Variants in FAM81B observed in about 807,000 individuals in gnomAD.
FAM81B encodes family with sequence similarity 81 member B.
FAM81B carries 60 observed loss-of-function variants against 58.7 expected under a neutral mutation model. That is an observed-to-expected ratio of 1.02 (90% CI 0.83 to 1.27). The LOEUF (loss-of-function observed/expected upper bound fraction) is 1.27, where lower values mean the gene tolerates loss of function less well. Ranked by LOEUF, FAM81B falls within the 50% of genes most tolerant of loss-of-function variation. The pLI, the probability that FAM81B is intolerant of heterozygous loss-of-function variation, is 0.00. For missense variants in FAM81B, 491 were observed against 522.0 expected (o/e 0.94, Z 0.58); for synonymous variants, 189 against 179.6 (o/e 1.05, Z -0.42).
At chr5:95,439,863 G>C (rs761691611) in intron 7 of FAM81B, among the ~76,000 whole-genome samples, 1 of 152,040 alleles carries the variant, frequency 6.6e-6, no homozygotes, top group Non-Finnish European at 1.5e-5. Flanking sequence ...AACATTAAAG[G>C]TTAAGTTTAG....
chr5:95,416,470 T>C (rs1425947923), intron 4 of FAM81B, among the ~76,000 whole-genome samples: 1 of 152,208 alleles, frequency 6.6e-6, no homozygotes, highest in East Asian at 1.9e-4. Context: ...ATTTTATATA[T>C]AGCATTGTTT....
intron 5 of FAM81B, among the ~76,000 whole-genome samples, chr5:95,422,532 G>C (rs1283183545): frequency 6.8e-6 from 1 of 147,528 alleles, no homozygotes; most frequent in East Asian, 2.0e-4. Context: ...ACCCAAGCTG[G>C]AGTGCAGTGG....
At chr5:95,415,227 A>G (rs1762508255) in intron 4 of FAM81B, among the ~76,000 whole-genome samples, 1 of 152,204 alleles carries the variant, frequency 6.6e-6, no homozygotes, top group African/African-American at 2.4e-5. Context: ...CAGATAGTGT[A>G]CTTTAGGAAA....
Position 95,450,148 on chromosome 5 carries a change from G to T in FAM81B, c.1226-1G>T. The stretch of plus-strand genomic sequence containing the variant: ...GTACCTATTCTTTTACCCTCTTACA[G>T]GATTTAAATCAATTCATGACTCTCT... On this transcript the variant is annotated splice_acceptor_variant, in intron 9 of 9. Coordinates refer to ENST00000283357, the MANE Select transcript of FAM81B (RefSeq NM_152548.3). LOFTEE classifies it high-confidence loss of function. The T allele has an allele frequency of 6.2e-7, 1 of 1,606,410 alleles. No individual in the cohort carries two copies. The highest frequency in any genetic ancestry group is 1.1e-5 in the South Asian group (1 of 89,134).
chr5:95,420,317 G>T lies in FAM81B; in HGVS notation c.571G>T (p.Ala191Ser), dbSNP rs1181505388. Residue 191 changes from alanine (A) to serine (S), a missense_variant, in exon 5 of 10, where the codon GCG becomes TCG. Ala to Ser is a moderately conservative substitution (Grantham distance 99, BLOSUM62 1). Coordinates refer to ENST00000283357, the MANE Select transcript of FAM81B (RefSeq NM_152548.3). Reference sequence around the variant, plus strand: ...AGACCAAATAAGAGCTCGAGATCAGGCGGCCACAGGAACTAACTTTGCAGT... The same window carrying T: ...AGACCAAATAAGAGCTCGAGATCAGTCGGCCACAGGAACTAACTTTGCAGT... ...LEDQIRARDQ[A>S]ATGTNFAVHE... is the part of the protein sequence containing the mutation. 1 of 1,613,794 alleles carries T rather than the reference G, an allele frequency of 6.2e-7. No individual in the cohort carries two copies. Among genetic ancestry groups the T allele is most frequent in the East Asian group, 2.2e-5 (1 of 44,864 alleles).
intron 3 of FAM81B, among the ~76,000 whole-genome samples, chr5:95,408,112 G>GAGAGA (rs58919939): frequency 2.0e-5 from 3 of 148,794 alleles, no homozygotes; most frequent in Non-Finnish European, 4.5e-5. Context: ...GAGAGAGAGA[G>GAGAGA]GAGGGAAGGA....
rs1478537709 is a variant in FAM81B at position 95,425,449 on chromosome 5, T to C, written c.657-3154T>C. Reference sequence around the variant, plus strand: ...GAAAAGAATGGATTGATGTTTATCATGTTCTGAAAGAAAGAAAAAAAATGT... The same window carrying C: ...GAAAAGAATGGATTGATGTTTATCACGTTCTGAAAGAAAGAAAAAAAATGT... On this transcript the variant is annotated intron_variant, in intron 5 of 9. Coordinates refer to ENST00000283357, the MANE Select transcript of FAM81B (RefSeq NM_152548.3). Among the ~76,000 whole-genome samples the C allele has an allele frequency of 5.9e-5, 9 of 152,296 alleles. No individual in the cohort carries two copies. In the East Asian group the frequency reaches 1.7e-3, roughly 29 times the overall value.
At chr5:95,423,125 A>T (rs1486759034) in intron 5 of FAM81B, among the ~76,000 whole-genome samples, 5 of 150,728 alleles carry the variant, frequency 3.3e-5, no homozygotes, top group Admixed American at 3.3e-4. Flanking sequence ...CTCTATTCCA[A>T]TGAGCATTTT....
chr5:95,394,037 T>G (rs913638420), intron 2 of FAM81B, among the ~76,000 whole-genome samples: 5 of 152,144 alleles, frequency 3.3e-5, no homozygotes, highest in African/African-American at 1.2e-4. Flanking sequence ...AAATTACATT[T>G]AAAAAATTGC....
intron 7 of FAM81B, among the ~76,000 whole-genome samples, chr5:95,441,132 C>G (rs1027017303): frequency 6.6e-6 from 1 of 152,094 alleles, no homozygotes; most frequent in Admixed American, 6.5e-5. Context: ...ACAATTAAAA[C>G]CTGTCAAGAC....
chr5:95,400,194 C>T (rs1016618740), intron 3 of FAM81B, among the ~76,000 whole-genome samples: 2 of 152,156 alleles, frequency 1.3e-5, no homozygotes, highest in African/African-American at 2.4e-5. Flanking sequence ...CCTCACAATT[C>T]TGGAGGTTGG....
chr5:95,449,135 T>C (rs1316398182), intron 9 of FAM81B, among the ~76,000 whole-genome samples: 2 of 152,192 alleles, frequency 1.3e-5, no homozygotes, highest in Non-Finnish European at 2.9e-5. Flanking sequence ...AAGTCCCAAG[T>C]AATTTTTTTT....
intron 5 of FAM81B, among the ~76,000 whole-genome samples, 176 bp from the exon 6 acceptor site, chr5:95,428,427 T>G (rs970056939): frequency 4.6e-5 from 7 of 152,090 alleles, no homozygotes; most frequent in African/African-American, 1.7e-4. Context: ...TTCTCTCTCA[T>G]CAGAAAGAGA....
In FAM81B at chr5:95,440,165, G is replaced by T. The variant is rs950299697; in HGVS notation, c.893+3259G>T. 23 of 593,822 alleles carry T rather than the reference G, an allele frequency of 3.9e-5. No homozygotes were observed. The East Asian group carries it at 9.2e-4, about 24-fold the overall frequency. 36.8% of individuals were successfully genotyped at this position (593,822 alleles called of 1,614,324 possible). On this transcript the variant is annotated intron_variant, in intron 7 of 9. Coordinates refer to ENST00000283357, the MANE Select transcript of FAM81B (RefSeq NM_152548.3). ...GTTCTTTGAAAAGTGTCTCAGAGGT[G>T]CTGACAAGTCCTTTCAAGATTCAAG...
intron 7 of FAM81B, among the ~76,000 whole-genome samples, chr5:95,438,109 C>A (rs73141966): frequency 0.028 from 4,285 of 152,140 alleles, 218 homozygotes; most frequent in African/African-American, 0.098. Flanking sequence ...TGCTAAAATG[C>A]GAAATATGTG....
chr5:95,405,035 G>A (rs115643536), intron 3 of FAM81B, among the ~76,000 whole-genome samples: 172 of 152,300 alleles, frequency 1.1e-3, no homozygotes, highest in African/African-American at 4.0e-3. Flanking sequence ...ACTTTAGAAA[G>A]ACCACTCTAG....
At chr5:95,436,535 T>C (rs924098086) in intron 6 of FAM81B, among the ~76,000 whole-genome samples, 34 of 152,206 alleles carry the variant, frequency 2.2e-4, no homozygotes, top group African/African-American at 7.2e-4. Context: ...TATCATTAGA[T>C]GGCCTATGAT....
At chr5:95,420,227 A>G in intron 4 of FAM81B, 57 bp from the exon 5 acceptor site, 2 of 1,606,448 alleles carry the variant, frequency 1.2e-6, no homozygotes, top group Non-Finnish European at 1.7e-6. Flanking sequence ...GCTTTAAATG[A>G]TGTTTCCTTA....
chr5:95,446,846 G>A (rs1019096986), intron 8 of FAM81B, 149 bp downstream of exon 8: 3 of 906,916 alleles, frequency 3.3e-6, no homozygotes, highest in Non-Finnish European at 5.0e-6. Flanking sequence ...TAGGAGTCCA[G>A]AGGCCTGTCT....
Sources: gnomAD v4.1 joint callset for allele counts (sites outside exome capture counted in the v4.1 genomes callset) on GRCh38, gnomAD v4.1.1 for gene constraint, MANE v1.5 for transcripts, NCBI Gene and HGNC (gene_info 2026-07-23, HGNC 2026-07-21) for gene names.